Variants in SIGLECL1 observed in about 807,000 individuals in gnomAD.
SIGLECL1 encodes SIGLEC family like 1, also known as SIGLEC family-like protein 1.
Under a neutral mutation model 19.1 loss-of-function variants are expected in SIGLECL1, and 16 were observed. That is an observed-to-expected ratio of 0.84 (90% CI 0.57 to 1.27). SIGLECL1 has a LOEUF of 1.27. Ranked by LOEUF, SIGLECL1 falls within the 50% of genes most tolerant of loss-of-function variation. The pLI is 0.00. For missense variants in SIGLECL1, 210 were observed against 239.4 expected (o/e 0.88, Z 0.81); for synonymous variants, 89 against 90.4 (o/e 0.98, Z 0.09).
chr19:51,247,268 C>T (rs551359196), upstream of SIGLECL1, among the ~76,000 whole-genome samples: 13 of 152,242 alleles, frequency 8.5e-5, no homozygotes, highest in African/African-American at 3.1e-4. Context: ...AAAAGGACTC[C>T]AGATATTGTC....
At chr19:51,256,273 A>AATGATGATG (rs1309045815) in intron 1 of SIGLECL1, among the ~76,000 whole-genome samples, 6 of 152,330 alleles carry the variant, frequency 3.9e-5, no homozygotes, top group South Asian at 2.1e-4. Flanking sequence ...CCAAGAACTG[A>AATGATGATG]ATGATGATGT....
At chr19:51,267,623 A>G in intron 5 of SIGLECL1, 94 bp downstream of exon 5, 6 of 1,442,858 alleles carry the variant, frequency 4.2e-6, no homozygotes, top group Non-Finnish European at 5.7e-6. Flanking sequence ...AGGTGTTATC[A>G]TCCTCAGTCT....
At chr19:51,268,210 C>G (rs1281569207) in intron 5 of SIGLECL1, among the ~76,000 whole-genome samples, 1 of 152,114 alleles carries the variant, frequency 6.6e-6, no homozygotes, top group African/African-American at 2.4e-5. Context: ...AGGCCTTGTC[C>G]TCAGAGAGCA....
At position 51,264,088 on chromosome 19, in the gene SIGLECL1, C is replaced by T. The variant is rs762693615; in HGVS notation, c.16C>T (p.Gln6Ter). Reference sequence around the variant, plus strand: ...GCTGGAAGTGATGCTTCCACTGCTACAGCTGGGTAAGTAAGGTGAGAAGCA... The same window carrying T: ...GCTGGAAGTGATGCTTCCACTGCTATAGCTGGGTAAGTAAGGTGAGAAGCA... MLPLL[Q>*]LVPAKLLNSS... is the part of the protein sequence containing the mutation. Residue 6 changes from glutamine to a stop codon, truncating the protein, a stop_gained, in exon 2 of 6, where the codon CAG (glutamine) becomes TAG (stop). Transcript: ENST00000601727. LOFTEE classifies it high-confidence loss of function. The T allele has an allele frequency of 1.2e-6, 2 of 1,613,988 alleles. No individual in the cohort carries two copies. The highest frequency in any genetic ancestry group is 1.1e-5 in the South Asian group (1 of 91,044).
chr19:51,249,183 G>A (rs1192619609), upstream of SIGLECL1, among the ~76,000 whole-genome samples: 2 of 152,120 alleles, frequency 1.3e-5, no homozygotes, highest in Non-Finnish European at 2.9e-5. Flanking sequence ...GCTTCTCAGA[G>A]GAAGCCCCTT....
intron 1 of SIGLECL1, among the ~76,000 whole-genome samples, chr19:51,262,058 A>G (rs962754002): frequency 1.3e-5 from 2 of 152,174 alleles, no homozygotes; most frequent in African/African-American, 2.4e-5. Flanking sequence ...AGCACGTTGT[A>G]TGTGTTGCAA....
At chr19:51,268,461 T>G (rs950510081) in intron 5 of SIGLECL1, 110 bp from the exon 6 acceptor site, 28 of 1,152,798 alleles carry the variant, frequency 2.4e-5, no homozygotes, top group South Asian at 2.3e-4. Context: ...TCACTCCATG[T>G]TGCCTTAATT....
intron 1 of SIGLECL1, among the ~76,000 whole-genome samples, chr19:51,263,679 A>G (rs1195991690): frequency 2.6e-5 from 4 of 152,208 alleles, no homozygotes; most frequent in South Asian, 4.1e-4. Context: ...AGTCGCTTGA[A>G]CATGGGAGAT....
chr19:51,265,317 G>C (rs1983558151), intron 2 of SIGLECL1, 51 bp from the exon 3 acceptor site: 3 of 1,546,050 alleles, frequency 1.9e-6, no homozygotes, highest in Non-Finnish European at 1.8e-6. Context: ...GGAGAAACTG[G>C]AAGAGGGAAG....
chr19:51,247,445 G>A (rs183174593), upstream of SIGLECL1, among the ~76,000 whole-genome samples: 16 of 150,730 alleles, frequency 1.1e-4, no homozygotes, highest in East Asian at 2.9e-3. Context: ...TTGAGACAGA[G>A]TCTGGATCCA....
intron 1 of SIGLECL1, among the ~76,000 whole-genome samples, chr19:51,261,880 G>C (rs1983256455): frequency 6.6e-6 from 1 of 152,048 alleles, no homozygotes; most frequent in South Asian, 2.1e-4. Flanking sequence ...TTTATACAGA[G>C]AAGTATTAAT....
chr19:51,248,394 C>G (rs1195451146), upstream of SIGLECL1, among the ~76,000 whole-genome samples: 1 of 152,010 alleles, frequency 6.6e-6, no homozygotes, highest in African/African-American at 2.4e-5. Flanking sequence ...TCTTTTTTTC[C>G]GTTCCAAGAC....
chr19:51,269,056 A>G lies in SIGLECL1; in HGVS notation c.*459A>G, dbSNP rs1371375359. ...GCTTGGTGGCTGTCTATCTTTGGACAAGATCTTTCATTCCCCATCCTTTGA... is the reference window on the plus strand; with the variant it reads ...GCTTGGTGGCTGTCTATCTTTGGACGAGATCTTTCATTCCCCATCCTTTGA... On this transcript the variant is annotated 3_prime_UTR_variant, in exon 6 of 6. Coordinates refer to ENST00000601727, the MANE Select transcript of SIGLECL1 (RefSeq NM_001385465.1). The G allele has an allele frequency of 6.1e-6, 1 of 162,898 alleles. No individual in the cohort carries two copies. Among genetic ancestry groups the G allele is most frequent in the African/African-American group, 2.4e-5 (1 of 41,522 alleles). The allele number at this position is 162,898 out of a possible 1,614,324, so 10.1% of individuals were successfully genotyped here.
In SIGLECL1 at chr19:51,268,637, C is replaced by A; in HGVS notation, c.*40C>A. The A allele has an allele frequency of 1.2e-6, 2 of 1,602,102 alleles. No homozygotes were observed. The highest frequency in any genetic ancestry group is 8.5e-7 in the Non-Finnish European group (1 of 1,175,074). On this transcript the variant is annotated 3_prime_UTR_variant, in exon 6 of 6. Transcript: ENST00000601727. Reference sequence around the variant, plus strand: ...CCTCATACCTGGAGTCGCCATTATCCCTGGAATTACAAAGATCTGCAAAAT... The same window carrying A: ...CCTCATACCTGGAGTCGCCATTATCACTGGAATTACAAAGATCTGCAAAAT...
In SIGLECL1 at chr19:51,265,863, C is replaced by T; in HGVS notation, c.391C>T (p.Leu131Phe). The change falls in exon 4 of 6, where the codon CTC (leucine) becomes TTC (phenylalanine). Residue 131 changes from leucine to phenylalanine, a missense_variant. By Grantham distance (22) the Leu-to-Phe change is conservative (BLOSUM62 0). Transcript: ENST00000601727. ...YAGIVIALLF[L>F]CLLPLIVKHI... ...GGGAATTGTAATTGCGCTGCTCTTC[C>T]TCTGCCTCCTCCCTCTCATGTGAGT... The T allele has an allele frequency of 6.2e-7, 1 of 1,614,168 alleles. No homozygotes were observed. The highest frequency in any genetic ancestry group is 1.1e-5 in the South Asian group (1 of 91,092).
At chr19:51,262,380 T>C (rs1240634347) in intron 1 of SIGLECL1, among the ~76,000 whole-genome samples, 1 of 152,222 alleles carries the variant, frequency 6.6e-6, no homozygotes, top group Non-Finnish European at 1.5e-5. Context: ...ATAAAGAATG[T>C]ACCAAATCTT....
At chr19:51,264,237 TAGAC>T (rs1399303465) in intron 2 of SIGLECL1, 143 bp downstream of exon 2, 3 of 892,336 alleles carry the variant, frequency 3.4e-6, no homozygotes, top group Non-Finnish European at 5.1e-6. Flanking sequence ...CAACATGAAT[TAGAC>T]AGCTTCTGTG....
upstream of SIGLECL1, among the ~76,000 whole-genome samples, chr19:51,246,570 A>C (rs1402457389): frequency 6.6e-6 from 1 of 152,112 alleles, no homozygotes; most frequent in Non-Finnish European, 1.5e-5. Flanking sequence ...CTCAGCACTG[A>C]TTGAGTGGTT....
chr19:51,246,689 C>T (rs984947779), upstream of SIGLECL1, among the ~76,000 whole-genome samples: 4 of 151,900 alleles, frequency 2.6e-5, no homozygotes, highest in African/African-American at 7.3e-5. Context: ...TTGAGCATAA[C>T]AAGATAATGA....
Sources: gnomAD v4.1 joint callset for allele counts (sites outside exome capture counted in the v4.1 genomes callset) on GRCh38, gnomAD v4.1.1 for gene constraint, MANE v1.5 for transcripts, NCBI Gene and HGNC (gene_info 2026-07-23, HGNC 2026-07-21) for gene names.